HDX: variants seen among roughly 807,000 people sequenced by gnomAD.
HDX encodes highly divergent homeobox, also known as chromosome X open reading frame 43.
In HDX, 19 loss-of-function variants were observed where a neutral mutation model predicts 45.2. The ratio of observed to expected loss-of-function variants is 0.42; its 90% confidence interval spans 0.29 to 0.62. The LOEUF (loss-of-function observed/expected upper bound fraction) is 0.62. Among genes scored for constraint, HDX ranks in the 20% least tolerant of loss-of-function variants. HDX has a pLI of 0.20. For synonymous variants in HDX, 188 were observed against 172.8 expected, an observed-to-expected ratio of 1.09 and a Z score of -0.69; for missense variants, 532 against 493.9, an observed-to-expected ratio of 1.08 and a Z score of -0.73.
intron 5 of HDX, among the ~76,000 whole-genome samples, chrX:84,437,608 C>T (rs991027508): frequency 8.1e-5 from 9 of 110,682 alleles, no homozygotes; most frequent in African/African-American, 3.0e-4. Context: ...ACTGGTGCCA[C>T]CTAAGAGGAC....
intron 5 of HDX, among the ~76,000 whole-genome samples, chrX:84,365,706 T>C (rs1245909865): frequency 8.9e-6 from 1 of 112,080 alleles, no homozygotes; most frequent in Non-Finnish European, 1.9e-5. Context: ...GTCTCCCAGT[T>C]TTCCCTGGAT....
At chrX:84,438,093 T>C (rs1381667060) in intron 5 of HDX, among the ~76,000 whole-genome samples, 2 of 111,179 alleles carry the variant, frequency 1.8e-5, no homozygotes, top group Non-Finnish European at 3.8e-5. Context: ...TTTCTTGTAT[T>C]GCTAAGGTGG....
At chrX:84,387,355 C>T (rs2038342914) in intron 5 of HDX, among the ~76,000 whole-genome samples, 1 of 111,582 alleles carries the variant, frequency 9.0e-6, no homozygotes, top group Non-Finnish European at 1.9e-5. Context: ...TTAGGTCCAA[C>T]TGGTCAAGTG....
At chrX:84,422,159 A>G (rs1344695107) in intron 5 of HDX, among the ~76,000 whole-genome samples, 3 of 112,370 alleles carry the variant, frequency 2.7e-5, no homozygotes, top group Admixed American at 9.4e-5. Context: ...AAGTCTTAAA[A>G]CATTCAAAAA....
chrX:84,402,310 A>G (rs980228296), intron 5 of HDX, among the ~76,000 whole-genome samples: 2 of 112,158 alleles, frequency 1.8e-5, no homozygotes, highest in African/African-American at 6.5e-5. Flanking sequence ...GCATATTTTT[A>G]CAGCATTTGG....
chrX:84,326,347 G>A, intron 9 of HDX, 47 bp from the exon 10 acceptor site: 1 of 987,393 alleles, frequency 1.0e-6, no homozygotes, highest in Non-Finnish European at 1.4e-6. Context: ...TGTAAACCCA[G>A]GACTATACAT....
chrX:84,416,208 G>A (rs900071355), intron 5 of HDX, among the ~76,000 whole-genome samples: 2 of 110,789 alleles, frequency 1.8e-5, no homozygotes, highest in Non-Finnish European at 3.8e-5. Context: ...CCCAACCAAG[G>A]CCCAAGTTTT....
intron 1 of HDX, among the ~76,000 whole-genome samples, chrX:84,489,912 T>G (rs1451948582): frequency 3.6e-5 from 4 of 112,156 alleles, no homozygotes; most frequent in Non-Finnish European, 1.9e-5. Context: ...AGTAAAGCAA[T>G]TTGGGTCTGA....
intron 8 of HDX, among the ~76,000 whole-genome samples, chrX:84,335,293 G>T (rs776106566): frequency 6.3e-5 from 7 of 110,746 alleles, no homozygotes; most frequent in African/African-American, 1.6e-4. Context: ...TGCACCAAAG[G>T]CCACCGTAGA....
intron 5 of HDX, among the ~76,000 whole-genome samples, chrX:84,399,332 GAA>G (rs2038643314): frequency 9.1e-6 from 1 of 109,412 alleles, no homozygotes; most frequent in African/African-American, 3.3e-5. Context: ...TAATAAAGAA[GAA>G]AAGAGAGAAG....
chrX:84,416,565 G>T (rs1183987660), intron 5 of HDX, among the ~76,000 whole-genome samples: 1 of 110,518 alleles, frequency 9.0e-6, no homozygotes, highest in Non-Finnish European at 1.9e-5. Context: ...TTAGTTCCAT[G>T]AGAGCAGGAA....
At chrX:84,479,558 T>G (rs1333740313) in intron 2 of HDX, among the ~76,000 whole-genome samples, 1 of 112,147 alleles carries the variant, frequency 8.9e-6, no homozygotes, top group African/African-American at 3.2e-5. Flanking sequence ...TCATTTCTCT[T>G]GAGTAAATAC....
chrX:84,484,506 C>G (rs1185871880), intron 2 of HDX, among the ~76,000 whole-genome samples: 3 of 68,896 alleles, frequency 4.4e-5, no homozygotes, highest in African/African-American at 1.7e-4. Flanking sequence ...GGGATACCAC[C>G]CCATGATTCA....
At chrX:84,359,154 T>A (rs777644839) in intron 6 of HDX, among the ~76,000 whole-genome samples, 63 of 111,445 alleles carry the variant, frequency 5.7e-4, no homozygotes, top group Non-Finnish European at 8.3e-4. Context: ...ACTGTTCCAA[T>A]GATTGATCAG....
chrX:84,491,492 A>T lies in HDX; in HGVS notation c.-109-3360T>A, dbSNP rs192239495. On this transcript the variant is annotated intron_variant, in intron 1 of 10. Coordinates refer to ENST00000373177, the MANE Select transcript of HDX (RefSeq NM_001177479.2). ...GCTGTTTTTTAATTCTTCTCTACTA[A>T]TTTCACACCCTTTTTTATTCTGTTT... Among the ~76,000 whole-genome samples, 509 of 111,703 alleles carry T rather than the reference A, an allele frequency of 4.6e-3. 3 individuals are homozygous for T. The highest frequency in any genetic ancestry group is 0.016 in the African/African-American group (487 of 30,832).
intron 4 of HDX, among the ~76,000 whole-genome samples, chrX:84,454,916 G>A (rs1288481619): frequency 9.0e-6 from 1 of 110,524 alleles, no homozygotes; most frequent in South Asian, 3.9e-4. Flanking sequence ...AAGAGAACAA[G>A]AGTCTCTGCT....
intron 5 of HDX, among the ~76,000 whole-genome samples, chrX:84,373,374 T>TA (rs1343531216): frequency 9.1e-5 from 10 of 110,394 alleles, no homozygotes; most frequent in African/African-American, 3.0e-4. Context: ...TTCAGGTATT[T>TA]AAAAAAAAGA....
chrX:84,434,514 G>T (rs1455269897), intron 5 of HDX, among the ~76,000 whole-genome samples: 3 of 110,631 alleles, frequency 2.7e-5, no homozygotes, highest in Admixed American at 9.6e-5. Context: ...TGCTTTCCTG[G>T]GATAAATCTC....
intron 5 of HDX, among the ~76,000 whole-genome samples, chrX:84,421,756 C>A (rs2039258545): frequency 9.1e-6 from 1 of 109,957 alleles, no homozygotes; most frequent in African/African-American, 3.3e-5. Flanking sequence ...CAAAAAAGAG[C>A]AAGAGTCACT....
Sources: gnomAD v4.1 joint callset for allele counts (sites outside exome capture counted in the v4.1 genomes callset) on GRCh38, gnomAD v4.1.1 for gene constraint, MANE v1.5 for transcripts, NCBI Gene and HGNC (gene_info 2026-07-23, HGNC 2026-07-21) for gene names.